PXDNL: variants seen among roughly 807,000 people sequenced by gnomAD.
PXDNL encodes the protein peroxidasin like.
Under a neutral mutation model 150.8 loss-of-function variants are expected in PXDNL, and 145 were observed. The ratio of observed to expected loss-of-function variants is 0.96; its 90% confidence interval spans 0.84 to 1.10. PXDNL has a LOEUF of 1.10. PXDNL is among the 50% of genes least tolerant of loss of function. PXDNL has a pLI of 0.00. For synonymous variants in PXDNL, 757 were observed against 725.7 expected, an observed-to-expected ratio of 1.04 and a Z score of -0.69; for missense variants, 2,087 against 1,873.9, an observed-to-expected ratio of 1.11 and a Z score of -2.10.
chr8:51,696,748 C>CACACACACAGGT (rs1563510127), intron 1 of PXDNL, among the ~76,000 whole-genome samples: 1 of 118,178 alleles, frequency 8.5e-6, no homozygotes, highest in Non-Finnish European at 1.8e-5. Flanking sequence ...CACACACATA[C>CACACACACAGGT]CCACCCACAC....
chr8:51,801,170 C>T (rs547371463), intron 1 of PXDNL, among the ~76,000 whole-genome samples: 1 of 152,180 alleles, frequency 6.6e-6, no homozygotes, highest in African/African-American at 2.4e-5. Context: ...CTATAAACAG[C>T]CGCTCTGGGA....
intron 1 of PXDNL, among the ~76,000 whole-genome samples, chr8:51,804,434 A>AT (rs1001883991): frequency 6.6e-6 from 1 of 151,452 alleles, no homozygotes; most frequent in African/African-American, 2.4e-5. Context: ...CCATGATTCA[A>AT]TTTTTTTTCT....
chr8:51,723,459 G>C (rs957857020), intron 1 of PXDNL, among the ~76,000 whole-genome samples: 1 of 152,222 alleles, frequency 6.6e-6, no homozygotes, highest in African/African-American at 2.4e-5. Context: ...AGGCAGTCCT[G>C]CACGGGCGAT....
At chr8:51,637,578 A>G (rs915327451) in intron 2 of PXDNL, among the ~76,000 whole-genome samples, 1 of 152,238 alleles carries the variant, frequency 6.6e-6, no homozygotes, top group African/African-American at 2.4e-5. Flanking sequence ...AGCCGATTCT[A>G]TCAACCGGAA....
At chr8:51,766,609 A>G (rs2037234393) in intron 1 of PXDNL, among the ~76,000 whole-genome samples, 1 of 152,112 alleles carries the variant, frequency 6.6e-6, no homozygotes, top group Non-Finnish European at 1.5e-5. Flanking sequence ...TGGATATGCA[A>G]TTGTTGTTTG....
intron 8 of PXDNL, among the ~76,000 whole-genome samples, chr8:51,471,482 T>C (rs1810331878): frequency 6.6e-6 from 1 of 152,234 alleles, no homozygotes; most frequent in African/African-American, 2.4e-5. Context: ...AATAATCCTA[T>C]ACTGATTTAC....
intron 1 of PXDNL, among the ~76,000 whole-genome samples, chr8:51,742,666 A>G (rs1035634634): frequency 1.3e-5 from 2 of 151,290 alleles, no homozygotes; most frequent in African/African-American, 4.8e-5. Context: ...AAACAATATA[A>G]AAATTTTACA....
chr8:51,463,308 G>T (rs1355770229), intron 8 of PXDNL, among the ~76,000 whole-genome samples: 1 of 152,030 alleles, frequency 6.6e-6, no homozygotes, highest in Admixed American at 6.6e-5. Context: ...TAGTCTAAAT[G>T]GTCCATTAAA....
intron 17 of PXDNL, among the ~76,000 whole-genome samples, chr8:51,404,074 A>T (rs1047067621): frequency 6.6e-6 from 1 of 152,046 alleles, no homozygotes; most frequent in Non-Finnish European, 1.5e-5. Context: ...GGGCTTGTTC[A>T]TTCTTCCTGG....
At chr8:51,490,131 A>T (rs971901734) in intron 5 of PXDNL, among the ~76,000 whole-genome samples, 1 of 152,224 alleles carries the variant, frequency 6.6e-6, no homozygotes, top group Non-Finnish European at 1.5e-5. Context: ...AAAAGCAAAA[A>T]TTATGTAAGA....
At chr8:51,423,766 G>A in intron 13 of PXDNL, 35 bp from the exon 14 acceptor site, 1 of 1,569,084 alleles carries the variant, frequency 6.4e-7, no homozygotes, top group Non-Finnish European at 8.6e-7. Flanking sequence ...CTGAATGAGT[G>A]TGGTTCCTTA....
At chr8:51,515,543 T>C (rs1207123899) in intron 4 of PXDNL, among the ~76,000 whole-genome samples, 2 of 152,192 alleles carry the variant, frequency 1.3e-5, no homozygotes, top group Non-Finnish European at 2.9e-5. Flanking sequence ...CAAAAGTCCT[T>C]GGGAGCTGTG....
At chr8:51,672,629 T>C (rs544320571) in intron 1 of PXDNL, among the ~76,000 whole-genome samples, 125 of 152,238 alleles carry the variant, frequency 8.2e-4, no homozygotes, top group African/African-American at 2.9e-3. Flanking sequence ...ATTTTAAATA[T>C]AAAAGAAATA....
chr8:51,586,850 A>G (rs1392602244), intron 3 of PXDNL, among the ~76,000 whole-genome samples: 7 of 152,334 alleles, frequency 4.6e-5, no homozygotes, highest in Non-Finnish European at 8.8e-5. Context: ...AGTAGGAAGA[A>G]GCTATAATTC....
intron 1 of PXDNL, among the ~76,000 whole-genome samples, chr8:51,779,280 G>C (rs2037387064): frequency 6.6e-6 from 1 of 152,214 alleles, no homozygotes; most frequent in African/African-American, 2.4e-5. Context: ...GGCCAAGGCT[G>C]TGTGCAAGGG....
chr8:51,420,482 A>G (rs1431355372), intron 14 of PXDNL, among the ~76,000 whole-genome samples: 1 of 152,176 alleles, frequency 6.6e-6, no homozygotes, highest in Non-Finnish European at 1.5e-5. Context: ...AACATTATGA[A>G]ATTTATTTGG....
intron 5 of PXDNL, among the ~76,000 whole-genome samples, chr8:51,496,519 AT>A (rs1811055737): frequency 6.6e-6 from 1 of 152,192 alleles, no homozygotes; most frequent in Non-Finnish European, 1.5e-5. Flanking sequence ...ATGATTGTAT[AT>A]TTAGAAAACC....
At chr8:51,740,797 C>G (rs1421935017) in intron 1 of PXDNL, among the ~76,000 whole-genome samples, 2 of 151,996 alleles carry the variant, frequency 1.3e-5, no homozygotes, top group African/African-American at 4.8e-5. Context: ...GTCTTGCATC[C>G]CGGTGATGAA....
chr8:51,706,984 C>T (rs1419578487), intron 1 of PXDNL, among the ~76,000 whole-genome samples: 1 of 152,158 alleles, frequency 6.6e-6, no homozygotes, highest in Non-Finnish European at 1.5e-5. Context: ...GTTCTGCTCT[C>T]TGTAGCATTC....
Sources: gnomAD v4.1 joint callset for allele counts (sites outside exome capture counted in the v4.1 genomes callset) on GRCh38, gnomAD v4.1.1 for gene constraint, MANE v1.5 for transcripts, NCBI Gene and HGNC (gene_info 2026-07-23, HGNC 2026-07-21) for gene names.